The following SIL1 variants were observed in gnomAD, a reference collection of about 807,000 sequenced individuals.
SIL1 encodes the protein SIL1 nucleotide exchange factor, also known as nucleotide exchange factor SIL1.
SIL1 carries 40 observed loss-of-function variants against 49.1 expected under a neutral mutation model. That is an observed-to-expected ratio of 0.81 (90% CI 0.63 to 1.06). SIL1 has a LOEUF of 1.06. Among genes scored for constraint, SIL1 ranks in the 50% least tolerant of loss-of-function variants. SIL1 has a pLI of 0.00. For missense variants in SIL1, 500 were observed against 572.6 expected (o/e 0.87, Z 1.29); for synonymous variants, 253 against 250.8 (o/e 1.01, Z -0.08).
Position 139,021,193 on chromosome 5 carries a change from C to T in SIL1, c.745G>A (p.Val249Met), listed in dbSNP as rs1261437566. ...EPLVKEYAAFVLGAAFSSNPK... is the reference protein window; with the variant it reads ...EPLVKEYAAFMLGAAFSSNPK... Reference sequence around the variant, plus strand: ...CACCTGGAAAAGGCAGCGCCCAGCACAAACGCAGCATACTCCTTCACGAGG... The same window carrying T: ...CACCTGGAAAAGGCAGCGCCCAGCATAAACGCAGCATACTCCTTCACGAGG... Residue 249 changes from valine (V) to methionine (M), a missense_variant, in exon 7 of 10, where the codon GTG becomes ATG. By Grantham distance (21) the Val-to-Met change is conservative. Coordinates refer to ENST00000394817, the MANE Select transcript of SIL1 (RefSeq NM_022464.5). The T allele has an allele frequency of 6.2e-7, 1 of 1,614,192 alleles. No individual in the cohort carries two copies. Among genetic ancestry groups the T allele is most frequent in the East Asian group, 2.2e-5 (1 of 44,882 alleles).
intron 1 of SIL1, among the ~76,000 whole-genome samples, chr5:139,180,055 C>T (rs1363651650): frequency 4.0e-5 from 4 of 100,886 alleles, no homozygotes; most frequent in African/African-American, 9.3e-5. Context: ...GACCCTGTCT[C>T]TTTAAAAAAA....
At chr5:139,004,476 T>G (rs955957490) in intron 7 of SIL1, among the ~76,000 whole-genome samples, 1 of 152,196 alleles carries the variant, frequency 6.6e-6, no homozygotes. Context: ...TTTATTCTCT[T>G]TATTCTTCTG....
intron 7 of SIL1, among the ~76,000 whole-genome samples, chr5:138,975,418 G>A (rs1767374023): frequency 6.6e-6 from 1 of 152,182 alleles, no homozygotes; most frequent in South Asian, 2.1e-4. Context: ...GAAGGGCATA[G>A]GCTCAGTGAG....
At chr5:139,101,359 T>C (rs1202220149) in intron 3 of SIL1, among the ~76,000 whole-genome samples, 1 of 152,176 alleles carries the variant, frequency 6.6e-6, no homozygotes, top group African/African-American at 2.4e-5. Flanking sequence ...TCTCCTATCT[T>C]TTCTCTGAAA....
intron 3 of SIL1, among the ~76,000 whole-genome samples, chr5:139,077,069 G>A (rs1769968138): frequency 6.6e-6 from 1 of 152,118 alleles, no homozygotes; most frequent in Non-Finnish European, 1.5e-5. Context: ...AGGATGTGGA[G>A]GTTGCAGTGA....
intron 7 of SIL1, among the ~76,000 whole-genome samples, chr5:139,005,368 C>T (rs146125152): frequency 1.7e-4 from 25 of 150,778 alleles, no homozygotes; most frequent in East Asian, 3.9e-4. Flanking sequence ...CTTATTTAAG[C>T]GTATTATTTT....
chr5:139,024,480 CCA>C, intron 6 of SIL1, among the ~76,000 whole-genome samples: 1 of 152,320 alleles, frequency 6.6e-6, no homozygotes, highest in Admixed American at 6.5e-5. Flanking sequence ...TCCTCTTTCA[CCA>C]CAGATGCTGG....
At chr5:139,148,092 A>ATTTATTT (rs917635739) in intron 1 of SIL1, among the ~76,000 whole-genome samples, 3 of 150,424 alleles carry the variant, frequency 2.0e-5, no homozygotes, top group Non-Finnish European at 4.4e-5. Context: ...CCAGACTACA[A>ATTTATTT]TTTATTTTTT....
intron 1 of SIL1, among the ~76,000 whole-genome samples, chr5:139,163,887 G>C (rs1466305902): frequency 6.6e-6 from 1 of 151,930 alleles, no homozygotes; most frequent in Non-Finnish European, 1.5e-5. Flanking sequence ...TGGGAGGCTG[G>C]GCGGGCAGAT....
chr5:139,160,187 A>AC (rs1491527493), intron 1 of SIL1, among the ~76,000 whole-genome samples: 12 of 145,694 alleles, frequency 8.2e-5, no homozygotes, highest in East Asian at 4.0e-4. Context: ...ACACACACAC[A>AC]AAAGTTATAG....
chr5:139,125,590 AT>A (rs1180114055), intron 2 of SIL1, among the ~76,000 whole-genome samples: 1 of 152,206 alleles, frequency 6.6e-6, no homozygotes, highest in Non-Finnish European at 1.5e-5. Context: ...TTAACCATTT[AT>A]TGGCCATATT....
intron 7 of SIL1, among the ~76,000 whole-genome samples, chr5:138,965,486 T>C (rs1283681569): frequency 6.6e-6 from 1 of 152,094 alleles, no homozygotes; most frequent in Non-Finnish European, 1.5e-5. Flanking sequence ...ACCGGGACAC[T>C]TTTGAGAGTG....
intron 3 of SIL1, among the ~76,000 whole-genome samples, chr5:139,052,675 C>G (rs895382185): frequency 1.1e-4 from 16 of 152,040 alleles, no homozygotes; most frequent in African/African-American, 3.6e-4. Context: ...CAGTGCAAGA[C>G]TCCGTCTCAA....
intron 3 of SIL1, among the ~76,000 whole-genome samples, chr5:139,083,507 G>A (rs531112251): frequency 6.7e-5 from 8 of 118,668 alleles, no homozygotes; most frequent in East Asian, 2.4e-4. Flanking sequence ...CATGTCCTTC[G>A]CCCACTTTTT....
Position 138,951,780 on chromosome 5 carries a change from A to G in SIL1, c.864+8T>C, listed in dbSNP as rs763310911. 1.7e-5 allele frequency: 28 copies of G among 1,613,452 alleles called. No individual in the cohort carries two copies. In the South Asian group the frequency reaches 2.0e-4, roughly 11 times the overall value. ...AGGCTGGGCAGGAGGAAGGGCATGG[A>G]AACACACCTTCTTCTTTGCAGTGAG... On this transcript the variant is annotated splice_region_variant and intron_variant, in intron 8 of 9. Transcript: ENST00000394817.
At chr5:138,996,265 T>A (rs1195586930) in intron 7 of SIL1, among the ~76,000 whole-genome samples, 1 of 152,216 alleles carries the variant, frequency 6.6e-6, no homozygotes, top group Non-Finnish European at 1.5e-5. Context: ...TAATTTGCAT[T>A]TATCTGATGA....
chr5:139,016,386 C>T (rs1222220171), intron 7 of SIL1, among the ~76,000 whole-genome samples: 3 of 152,058 alleles, frequency 2.0e-5, no homozygotes, highest in African/African-American at 7.2e-5. Flanking sequence ...ACGTAGAAGA[C>T]CACAGGAGAA....
chr5:138,982,211 A>T (rs1158657474), intron 7 of SIL1, among the ~76,000 whole-genome samples: 1 of 152,196 alleles, frequency 6.6e-6, no homozygotes, highest in Non-Finnish European at 1.5e-5. Context: ...ACAGAGTTGA[A>T]ATTCAGTAAA....
intron 1 of SIL1, among the ~76,000 whole-genome samples, chr5:139,140,918 G>T (rs1042572759): frequency 5.3e-5 from 8 of 152,038 alleles, no homozygotes; most frequent in African/African-American, 1.9e-4. Flanking sequence ...TCCCTGCTGC[G>T]GCAGCTCCAC....
Sources: allele counts gnomAD v4.1 joint callset (sites outside exome capture counted in the v4.1 genomes callset), GRCh38; gene constraint gnomAD v4.1.1; transcripts MANE v1.5; gene names NCBI Gene and HGNC (gene_info 2026-07-23, HGNC 2026-07-21).